Variants in TMEM161B observed in about 807,000 individuals in gnomAD.
The protein encoded by TMEM161B is transmembrane protein 161B.
A neutral mutation model predicts 61.8 loss-of-function variants in TMEM161B; 34 were observed. That is an observed-to-expected ratio of 0.55 (90% CI 0.42 to 0.73). The LOEUF (loss-of-function observed/expected upper bound fraction) is 0.73. Ranked by LOEUF, TMEM161B falls within the 30% of genes least tolerant of loss-of-function variation. TMEM161B has a pLI of 0.00. For synonymous variants in TMEM161B, 167 were observed against 192.8 expected (o/e 0.87, Z 1.11); for missense variants, 456 against 558.5 (o/e 0.82, Z 1.85).
At chr5:88,230,428 T>A (rs771033558) in intron 2 of TMEM161B, among the ~76,000 whole-genome samples, 1 of 152,182 alleles carries the variant, frequency 6.6e-6, no homozygotes, top group Non-Finnish European at 1.5e-5. Flanking sequence ...CATAATTCTA[T>A]CTACTCCTTG....
At chr5:88,188,251 T>C (rs1441859849), downstream of TMEM161B, among the ~76,000 whole-genome samples, 2 of 150,516 alleles carry the variant, frequency 1.3e-5, no homozygotes, top group Non-Finnish European at 3.0e-5. Context: ...ATTACAGGTG[T>C]GTACCACCAT....
chr5:88,258,416 G>A (rs116604750), intron 1 of TMEM161B, among the ~76,000 whole-genome samples: 1,862 of 152,152 alleles, frequency 0.012, 34 homozygotes, highest in African/African-American at 0.042. Flanking sequence ...AGGAAGGGAG[G>A]AAGGAGTAAG....
intron 4 of TMEM161B, among the ~76,000 whole-genome samples, chr5:88,225,028 T>C (rs999474112): frequency 1.4e-5 from 2 of 138,398 alleles, no homozygotes; most frequent in South Asian, 2.4e-4. Context: ...AGTGCGGTGG[T>C]GCGATCTCGG....
chr5:88,191,620 G>GT (rs1748862237), downstream of TMEM161B, among the ~76,000 whole-genome samples: 1 of 152,054 alleles, frequency 6.6e-6, no homozygotes, highest in Non-Finnish European at 1.5e-5. Context: ...AAACATAGCT[G>GT]TATGTTTTTC....
intron 5 of TMEM161B, among the ~76,000 whole-genome samples, chr5:88,210,123 G>A (rs1028543264): frequency 2.6e-5 from 4 of 152,122 alleles, no homozygotes; most frequent in African/African-American, 9.7e-5. Context: ...TCTTCCACTT[G>A]AAAATTAATT....
At chr5:88,192,851 A>C (rs892466253), downstream of TMEM161B, among the ~76,000 whole-genome samples, 2 of 152,242 alleles carry the variant, frequency 1.3e-5, no homozygotes, top group Non-Finnish European at 2.9e-5. Context: ...AAATACTGAG[A>C]ATTCAATCTT....
intron 1 of TMEM161B, among the ~76,000 whole-genome samples, chr5:88,261,730 C>CAAAAAAAAAAAAAAAAAAA (rs70996464): frequency 2.0e-5 from 1 of 49,292 alleles, no homozygotes; most frequent in African/African-American, 9.0e-5. Flanking sequence ...CATTCATGTG[C>CAAAAAAAAAAAAAAAAAAA]AAAAAAAAAA....
chr5:88,252,814 G>A (rs1285057104), intron 1 of TMEM161B, among the ~76,000 whole-genome samples: 1 of 152,158 alleles, frequency 6.6e-6, no homozygotes, highest in African/African-American at 2.4e-5. Flanking sequence ...ATGTATTGGA[G>A]ACTGGTTGTA....
intron 1 of TMEM161B, among the ~76,000 whole-genome samples, chr5:88,248,595 CCT>C (rs915200627): frequency 1.6e-4 from 24 of 151,936 alleles, no homozygotes; most frequent in African/African-American, 5.8e-4. Flanking sequence ...AATTGTGGTA[CCT>C]CTGTTTTTCC....
chr5:88,218,474 G>GA (rs985497643), intron 5 of TMEM161B, among the ~76,000 whole-genome samples: 1 of 152,004 alleles, frequency 6.6e-6, no homozygotes, highest in African/African-American at 2.4e-5. Flanking sequence ...ATAATGCAGA[G>GA]AAAAAAACAG....
In TMEM161B at chr5:88,195,520, T is replaced by C; in HGVS notation, c.*691A>G. 1.0e-6 allele frequency: 1 copy of C among 985,234 alleles called. No individual in the cohort carries two copies. Among genetic ancestry groups the C allele is most frequent in the Non-Finnish European group, 1.2e-6 (1 of 829,660 alleles). 61.0% of individuals were successfully genotyped at this position (985,234 alleles called of 1,614,324 possible). A position where few individuals can be genotyped will look rare whatever the true frequency, so the allele number is the denominator to read the frequency against. Reference sequence around the variant, plus strand: ...CAAAATATGGCAGGTCCAAACCTAATGGCAAGATTACAAATGTTCATATGG... The same window carrying C: ...CAAAATATGGCAGGTCCAAACCTAACGGCAAGATTACAAATGTTCATATGG... On this transcript the variant is annotated 3_prime_UTR_variant, in exon 12 of 12. Transcript: ENST00000296595.
At chr5:88,254,242 A>C (rs1754692136) in intron 1 of TMEM161B, among the ~76,000 whole-genome samples, 1 of 152,202 alleles carries the variant, frequency 6.6e-6, no homozygotes, top group South Asian at 2.1e-4. Context: ...CACAGTTTAT[A>C]TGAATTTGAT....
downstream of TMEM161B, chr5:88,190,253 T>A (rs779183563): frequency 1.4e-6 from 1 of 700,740 alleles, no homozygotes. Flanking sequence ...GACCTTGCCT[T>A]GCATTATGCT....
chr5:88,203,580 A>T (rs893012469), intron 8 of TMEM161B, among the ~76,000 whole-genome samples: 2 of 151,748 alleles, frequency 1.3e-5, no homozygotes, highest in Admixed American at 6.6e-5. Flanking sequence ...CCATATTACT[A>T]GAAGGCATAT....
intron 1 of TMEM161B, among the ~76,000 whole-genome samples, chr5:88,247,385 G>A (rs1753749642): frequency 6.6e-6 from 1 of 151,974 alleles, no homozygotes; most frequent in Non-Finnish European, 1.5e-5. Flanking sequence ...TAGCTCTCCT[G>A]CTGACAGATC....
intron 4 of TMEM161B, among the ~76,000 whole-genome samples, chr5:88,224,967 T>G (rs928201630): frequency 3.6e-5 from 5 of 140,478 alleles, no homozygotes; most frequent in East Asian, 2.1e-4. Flanking sequence ...ATGTTTTTGT[T>G]TTTTTTTTTT....
intron 1 of TMEM161B, among the ~76,000 whole-genome samples, chr5:88,254,528 T>C (rs181681836): frequency 6.6e-6 from 1 of 152,216 alleles, no homozygotes; most frequent in East Asian, 1.9e-4. Context: ...GCATATTAGG[T>C]AAAAACATCA....
chr5:88,253,364 C>T (rs996521012), intron 1 of TMEM161B, among the ~76,000 whole-genome samples: 1 of 152,126 alleles, frequency 6.6e-6, no homozygotes, highest in East Asian at 1.9e-4. Flanking sequence ...GTTATGGGAA[C>T]ACTCCAATAG....
At chr5:88,239,952 A>C (rs1407400943) in intron 2 of TMEM161B, among the ~76,000 whole-genome samples, 6 of 152,022 alleles carry the variant, frequency 3.9e-5, no homozygotes, top group Admixed American at 3.3e-4. Flanking sequence ...TGAACAATTG[A>C]AATAAATAGT....
Sources: allele counts gnomAD v4.1 joint callset (sites outside exome capture counted in the v4.1 genomes callset), GRCh38; gene constraint gnomAD v4.1.1; transcripts MANE v1.5; gene names NCBI Gene and HGNC (gene_info 2026-07-23, HGNC 2026-07-21).